PCDH9: variants seen among roughly 807,000 people sequenced by gnomAD.
The protein encoded by PCDH9 is protocadherin 9.
In PCDH9, 24 loss-of-function variants were observed where a neutral mutation model predicts 70.6. The ratio of observed to expected loss-of-function variants is 0.34; its 90% CI spans 0.25 to 0.48. The LOEUF is 0.48. Ranked by LOEUF, PCDH9 falls within the 20% of genes least tolerant of loss-of-function variation. The pLI is 0.99. For missense variants in PCDH9, 1,281 were observed against 1,503.6 expected (o/e 0.85, Z 2.45); for synonymous variants, 562 against 558.5 (o/e 1.01, Z -0.09).
intron 2 of PCDH9, among the ~76,000 whole-genome samples, chr13:67,038,807 C>CTT (rs1029046935): frequency 5.9e-5 from 9 of 152,094 alleles, no homozygotes; most frequent in Non-Finnish European, 7.4e-5. Context: ...AGTATTGGGT[C>CTT]TTTGCCCTGG....
intron 2 of PCDH9, among the ~76,000 whole-genome samples, chr13:67,014,421 A>T (rs1287565176): frequency 1.3e-5 from 2 of 152,096 alleles, no homozygotes; most frequent in Admixed American, 1.3e-4. Context: ...GTAAGAAAAA[A>T]TTGGAATCTT....
chr13:66,829,210 T>G (rs1378221531), intron 3 of PCDH9, among the ~76,000 whole-genome samples: 1 of 151,814 alleles, frequency 6.6e-6, no homozygotes, highest in African/African-American at 2.4e-5. Context: ...AGAGATGGGG[T>G]TTTTCCATGT....
At chr13:66,663,155 TTAA>T (rs1275908519) in intron 3 of PCDH9, among the ~76,000 whole-genome samples, 1 of 152,238 alleles carries the variant, frequency 6.6e-6, no homozygotes, top group African/African-American at 2.4e-5. Flanking sequence ...GGTTGTGGAC[TTAA>T]TGATACTGGC....
At chr13:67,039,811 A>C (rs573783327) in intron 2 of PCDH9, among the ~76,000 whole-genome samples, 183 of 152,304 alleles carry the variant, frequency 1.2e-3, no homozygotes, top group Non-Finnish European at 1.4e-3. Flanking sequence ...GAAGTTGAAC[A>C]AAAGTGTGGG....
chr13:66,753,618 G>A (rs924259243), intron 3 of PCDH9, among the ~76,000 whole-genome samples: 1 of 152,118 alleles, frequency 6.6e-6, no homozygotes, highest in Non-Finnish European at 1.5e-5. Flanking sequence ...ATCCTGACTG[G>A]AGGGATAAGG....
intron 3 of PCDH9, among the ~76,000 whole-genome samples, chr13:66,742,794 A>G (rs1397854946): frequency 2.7e-5 from 4 of 149,428 alleles, no homozygotes; most frequent in Non-Finnish European, 5.9e-5. Flanking sequence ...CCACTATGAG[A>G]TATCATCTCA....
chr13:67,071,888 CAAAA>C (rs5804309), intron 2 of PCDH9, among the ~76,000 whole-genome samples: 7 of 86,648 alleles, frequency 8.1e-5, no homozygotes, highest in African/African-American at 1.3e-4. Context: ...GACTTTGTCT[CAAAA>C]AAAAAAAAAA....
chr13:66,561,511 C>A (rs1246643786), intron 4 of PCDH9, among the ~76,000 whole-genome samples: 1 of 152,188 alleles, frequency 6.6e-6, no homozygotes, highest in South Asian at 2.1e-4. Flanking sequence ...ACTTGGAGAA[C>A]CTTTATGTCT....
chr13:66,360,735 C>T (rs1956456758), intron 4 of PCDH9, among the ~76,000 whole-genome samples: 1 of 152,008 alleles, frequency 6.6e-6, no homozygotes, highest in Non-Finnish European at 1.5e-5. Flanking sequence ...TGATTGATTG[C>T]ATTAAAGCAG....
chr13:67,060,331 G>A (rs557989942), intron 2 of PCDH9, among the ~76,000 whole-genome samples: 37 of 152,188 alleles, frequency 2.4e-4, no homozygotes, highest in African/African-American at 8.2e-4. Flanking sequence ...GTTCTGAAAA[G>A]TGAGGTAATT....
chr13:66,705,456 G>C (rs765399306), intron 3 of PCDH9, among the ~76,000 whole-genome samples: 16 of 152,242 alleles, frequency 1.1e-4, no homozygotes, highest in Non-Finnish European at 2.1e-4. Context: ...CAGTTTACTA[G>C]AGGAAAACAA....
At chr13:67,180,349 A>G (rs1000249390) in intron 2 of PCDH9, among the ~76,000 whole-genome samples, 1 of 151,444 alleles carries the variant, frequency 6.6e-6, no homozygotes, top group Non-Finnish European at 1.5e-5. Context: ...TTTTTTTTTT[A>G]CAGTTACACC....
At position 67,044,662 on chromosome 13, in the gene PCDH9, T is replaced by C. The variant is rs549252157; in HGVS notation, c.3037-141057A>G. 4.6e-5 allele frequency among the ~76,000 whole-genome samples: 7 copies of C among 152,332 alleles called. No homozygotes were observed. The East Asian group carries it at 1.3e-3, about 29-fold the overall frequency. On this transcript the variant is annotated intron_variant, in intron 2 of 4. Coordinates refer to ENST00000377865, the MANE Select transcript of PCDH9 (RefSeq NM_203487.3). ...TATCCTGGGATCTTCCAAAGGCTGC[T>C]GACTTTACACTACAGTTTCACAGAT...
intron 2 of PCDH9, among the ~76,000 whole-genome samples, chr13:67,120,578 C>A (rs1260631691): frequency 6.6e-6 from 1 of 152,046 alleles, no homozygotes; most frequent in East Asian, 1.9e-4. Flanking sequence ...TAGCTGTTCC[C>A]CTTCACAACA....
chr13:66,770,286 C>T (rs1240983190), intron 3 of PCDH9, among the ~76,000 whole-genome samples: 1 of 152,032 alleles, frequency 6.6e-6, no homozygotes, highest in Non-Finnish European at 1.5e-5. Context: ...GACAGGTGCA[C>T]CTAAATCTCA....
chr13:67,045,404 C>A (rs536761437), intron 2 of PCDH9, among the ~76,000 whole-genome samples: 1 of 152,030 alleles, frequency 6.6e-6, no homozygotes, highest in Non-Finnish European at 1.5e-5. Flanking sequence ...ACTTTGAATA[C>A]CTCTTTCCAT....
At chr13:66,776,939 T>A (rs2079904997) in intron 3 of PCDH9, among the ~76,000 whole-genome samples, 1 of 149,274 alleles carries the variant, frequency 6.7e-6, no homozygotes, top group East Asian at 2.0e-4. Flanking sequence ...GAGATAGAGA[T>A]CAATGGAACA....
chr13:66,534,635 T>C (rs1960612016), intron 4 of PCDH9, among the ~76,000 whole-genome samples: 1 of 152,170 alleles, frequency 6.6e-6, no homozygotes, highest in Non-Finnish European at 1.5e-5. Flanking sequence ...TCACAGCAGA[T>C]GGCTTAATTC....
chr13:67,200,482 A>C (rs575675250), intron 2 of PCDH9, among the ~76,000 whole-genome samples: 12 of 152,178 alleles, frequency 7.9e-5, no homozygotes, highest in African/African-American at 2.9e-4. Flanking sequence ...TAAGTGAATC[A>C]ATCCTCTAGT....
Sources: allele counts gnomAD v4.1 joint callset (sites outside exome capture counted in the v4.1 genomes callset), GRCh38; gene constraint gnomAD v4.1.1; transcripts MANE v1.5; gene names NCBI Gene and HGNC (gene_info 2026-07-23, HGNC 2026-07-21).